Variants in ARMH4 observed in about 807,000 individuals in gnomAD.
ARMH4 encodes armadillo-like helical domain-containing protein 4.
Under a neutral mutation model 61.9 loss-of-function variants are expected in ARMH4, and 49 were observed. That is an observed-to-expected ratio of 0.79 (90% CI 0.63 to 1.00). The LOEUF (loss-of-function observed/expected upper bound fraction) is 1.00, where lower values mean the gene tolerates loss of function less well. Ranked by LOEUF, ARMH4 falls within the 50% of genes least tolerant of loss-of-function variation. ARMH4 has a pLI of 0.00. For missense variants in ARMH4, 934 were observed against 930.0 expected, an observed-to-expected ratio of 1.00 and a Z score of -0.06; for synonymous variants, 368 against 341.5, an observed-to-expected ratio of 1.08 and a Z score of -0.85.
intron 4 of ARMH4, among the ~76,000 whole-genome samples, chr14:58,099,855 G>A (rs974766932): frequency 2.6e-5 from 4 of 152,132 alleles, no homozygotes; most frequent in Non-Finnish European, 5.9e-5. Flanking sequence ...AATTTATTAC[G>A]GCTGTGTGAT....
intron 5 of ARMH4, among the ~76,000 whole-genome samples, chr14:58,081,531 C>G (rs545612722): frequency 6.7e-6 from 1 of 150,192 alleles, no homozygotes. Flanking sequence ...GACGGAATCT[C>G]GCTCTGTCAC....
intron 4 of ARMH4, chr14:58,101,012 G>T: frequency 5.5e-6 from 1 of 180,848 alleles, no homozygotes; most frequent in South Asian, 1.4e-4. Context: ...TAAGCTGTGG[G>T]ACACTAAGGC....
intron 4 of ARMH4, among the ~76,000 whole-genome samples, chr14:58,129,295 A>C (rs1366618347): frequency 6.6e-6 from 1 of 152,200 alleles, no homozygotes; most frequent in East Asian, 1.9e-4. Context: ...GGATTCAGAA[A>C]TTTCCATAAA....
At chr14:58,039,176 G>A (rs8018443) in intron 5 of ARMH4, among the ~76,000 whole-genome samples, 42,504 of 152,114 alleles carry the variant, frequency 0.28, 6,084 homozygotes, top group Non-Finnish European at 0.31. Context: ...AACATTCTCA[G>A]AACTGAACTA....
intron 1 of ARMH4, among the ~76,000 whole-genome samples, chr14:58,146,807 T>G (rs1887742882): frequency 6.6e-6 from 1 of 152,190 alleles, no homozygotes; most frequent in Non-Finnish European, 1.5e-5. Flanking sequence ...GTTACCAAAA[T>G]GAAGACACAA....
At chr14:58,032,134 A>G (rs1285829430) in intron 5 of ARMH4, among the ~76,000 whole-genome samples, 6 of 151,900 alleles carry the variant, frequency 3.9e-5, no homozygotes, top group Non-Finnish European at 8.8e-5. Flanking sequence ...TTCGTCGGAG[A>G]GGTCTGTTCT....
At chr14:58,132,344 T>C (rs1351556730) in intron 3 of ARMH4, among the ~76,000 whole-genome samples, 1 of 152,190 alleles carries the variant, frequency 6.6e-6, no homozygotes, top group Non-Finnish European at 1.5e-5. Flanking sequence ...CAGATAGGCA[T>C]TATTTAGAGG....
chr14:58,008,633 G>T (rs1004714207), intron 6 of ARMH4, among the ~76,000 whole-genome samples: 2 of 152,144 alleles, frequency 1.3e-5, no homozygotes, highest in Non-Finnish European at 2.9e-5. Context: ...CTGTGCAATG[G>T]TTGTTCTCAA....
At chr14:58,089,941 T>G (rs554570448) in intron 5 of ARMH4, among the ~76,000 whole-genome samples, 44 of 152,364 alleles carry the variant, frequency 2.9e-4, no homozygotes, top group African/African-American at 1.1e-3. Flanking sequence ...AGCCTCTCAC[T>G]ATTTTCAGAA....
In ARMH4 at chr14:58,092,581, G is replaced by A. The variant is rs377322030; in HGVS notation, c.2089+4143C>T. On this transcript the variant is annotated intron_variant, in intron 5 of 7. Coordinates refer to ENST00000267485, the MANE Select transcript of ARMH4 (RefSeq NM_001001872.4). ...GAGCTAAAACCAAGTTATTGGCAGG[G>A]TTGCATTCCTTCCAGAGGCGTTGGA... 2.0e-5 allele frequency among the ~76,000 whole-genome samples: 3 copies of A among 152,262 alleles called. No homozygotes were observed. In the East Asian group the frequency reaches 5.8e-4, roughly 29 times the overall value.
chr14:58,072,643 A>G (rs975922853), intron 5 of ARMH4, among the ~76,000 whole-genome samples: 2 of 151,534 alleles, frequency 1.3e-5, no homozygotes, highest in African/African-American at 4.9e-5. Flanking sequence ...AATTGCTTGA[A>G]CCCAGGAGGC....
intron 5 of ARMH4, among the ~76,000 whole-genome samples, chr14:58,016,460 GTTGA>G (rs1399332411): frequency 2.0e-5 from 3 of 152,148 alleles, no homozygotes; most frequent in Non-Finnish European, 2.9e-5. Context: ...AATCAATTCA[GTTGA>G]TTGATTAATT....
At chr14:58,096,681 G>C in intron 5 of ARMH4, 43 bp downstream of exon 5, 1 of 1,581,498 alleles carries the variant, frequency 6.3e-7, no homozygotes, top group Non-Finnish European at 8.6e-7. Context: ...AAATATAAAA[G>C]GAGGGGAGAA....
In ARMH4 at chr14:58,005,057, A is replaced by G. The variant is rs1350396284; in HGVS notation, c.2247T>C (p.His749=). 3 of 1,613,900 alleles carry G rather than the reference A, an allele frequency of 1.9e-6. No homozygotes were observed. In the Admixed American group the frequency reaches 5.0e-5, roughly 27 times the overall value. ...GTTGTTGGTTCCATACCTTTCTTTT[A>G]TGCCTTTTGAAGCCATTTCTCCTTC... ...NRRRRNGFKR[H]KRKQREFNSM... The change falls in exon 7 of 8, where the codon CAT becomes CAC. Residue 749 remains histidine (H), a synonymous_variant. Coordinates refer to ENST00000267485, the MANE Select transcript of ARMH4 (RefSeq NM_001001872.4).
intron 5 of ARMH4, among the ~76,000 whole-genome samples, chr14:58,020,678 A>G (rs1039976474): frequency 1.3e-5 from 2 of 152,170 alleles, no homozygotes; most frequent in African/African-American, 4.8e-5. Context: ...CATGTTCGCC[A>G]AGGACTTTTC....
chr14:58,075,415 TA>T (rs1198056549), intron 5 of ARMH4, among the ~76,000 whole-genome samples: 1 of 152,226 alleles, frequency 6.6e-6, no homozygotes, highest in African/African-American at 2.4e-5. Flanking sequence ...CATGGAATAC[TA>T]TGCAGCCATA....
At chr14:58,056,356 A>G (rs935605631) in intron 5 of ARMH4, among the ~76,000 whole-genome samples, 1 of 152,226 alleles carries the variant, frequency 6.6e-6, no homozygotes, top group Non-Finnish European at 1.5e-5. Flanking sequence ...CAACTTACAT[A>G]TACTGTTTGA....
chr14:58,042,378 A>T (rs1032874851), intron 5 of ARMH4, among the ~76,000 whole-genome samples: 2 of 152,256 alleles, frequency 1.3e-5, no homozygotes, highest in Non-Finnish European at 2.9e-5. Context: ...GAAGGCAGAA[A>T]TAAAGATGTT....
chr14:58,133,375 A>G, intron 2 of ARMH4, 34 bp from the exon 3 acceptor site: 1 of 1,539,070 alleles, frequency 6.5e-7, no homozygotes, highest in Non-Finnish European at 8.7e-7. Flanking sequence ...AAATAGACCA[A>G]ATCCCTATTT....
Sources: gnomAD v4.1 joint callset for allele counts (sites outside exome capture counted in the v4.1 genomes callset) on GRCh38, gnomAD v4.1.1 for gene constraint, MANE v1.5 for transcripts, NCBI Gene and HGNC (gene_info 2026-07-23, HGNC 2026-07-21) for gene names.